PBX1: variants seen among roughly 807,000 people sequenced by gnomAD.
PBX1 encodes PBX homeobox 1, also known as pre-B-cell leukemia transcription factor 1.
In PBX1, 6 loss-of-function variants were observed where a neutral mutation model predicts 53.4. The ratio of observed to expected loss-of-function variants is 0.11; its 90% confidence interval spans 0.06 to 0.22. The LOEUF (loss-of-function observed/expected upper bound fraction) is 0.22. PBX1 is among the 10% of genes least tolerant of loss of function. The pLI is 1.00. For missense variants in PBX1, 251 were observed against 551.4 expected (o/e 0.46, Z 5.46); for synonymous variants, 204 against 212.3 (o/e 0.96, Z 0.34).
chr1:164,875,752 C>T (rs1009637354), intron 2 of PBX1, among the ~76,000 whole-genome samples: 10 of 151,842 alleles, frequency 6.6e-5, no homozygotes, highest in African/African-American at 2.4e-4. Context: ...GGCAACCAGC[C>T]CTTTCTTAAA....
At position 164,638,477 on chromosome 1, in the gene PBX1, G is replaced by A. The variant is rs571719081; in HGVS notation, c.265+75166G>A. On this transcript the variant is annotated intron_variant, in intron 2 of 8. Transcript: ENST00000420696. ...CTTGTAAGCAGGAAGAGGAATCTTT[G>A]AAAAGTGCTAGGCCCCTCTGGGTGC... Among the ~76,000 whole-genome samples, 3 of 152,356 alleles carry A rather than the reference G, an allele frequency of 2.0e-5. No individual in the cohort carries two copies. In the South Asian group the frequency reaches 6.2e-4, roughly 32 times the overall value.
rs545472534 is a variant in PBX1, at chr1:164,700,602, A to G, written c.266-91892A>G. 1.2e-5 allele frequency: 12 copies of G among 984,796 alleles called. No homozygotes were observed. The East Asian group carries it at 1.1e-3, about 93-fold the overall frequency. The allele number at this position is 984,796 out of a possible 1,614,324, so 61.0% of individuals were successfully genotyped here. On this transcript the variant is annotated intron_variant, in intron 2 of 8. Transcript: ENST00000420696. ...AGACAGTGATCATCTTTATTACCTC[A>G]TGGTCTAGTTACAGTGCATGGTACA...
chr1:164,847,193 T>C lies in PBX1; in HGVS notation c.*517T>C. On this transcript the variant is annotated 3_prime_UTR_variant, in exon 9 of 9. Coordinates refer to ENST00000420696, the MANE Select transcript of PBX1 (RefSeq NM_002585.4). ...TACCTCTTAGCAGGAATACTCCACA[T>C]TGCCCTATTCATTCCAGGCCTCCCT... 2 of 1,081,054 alleles carry C rather than the reference T, an allele frequency of 1.9e-6. No individual in the cohort carries two copies. Among genetic ancestry groups the C allele is most frequent in the African/African-American group, 3.2e-5 (2 of 61,810 alleles). 67.0% of individuals were successfully genotyped at this position (1,081,054 alleles called of 1,614,324 possible). A position where few individuals can be genotyped will look rare whatever the true frequency, so the allele number is the denominator to read the frequency against.
At position 164,823,353 on chromosome 1, in the gene PBX1, A is replaced by T. The variant is rs536554270; in HGVS notation, c.1200+1727A>T. The stretch of plus-strand genomic sequence containing the variant: ...TTGGATTTTGTCTGAGTGCAGGTTT[A>T]TACACACATGCATTTATGTATTTCC... On this transcript the variant is annotated intron_variant, in intron 8 of 8. Coordinates refer to ENST00000420696, the MANE Select transcript of PBX1 (RefSeq NM_002585.4). 7.2e-5 allele frequency among the ~76,000 whole-genome samples: 11 copies of T among 152,162 alleles called. No homozygotes were observed. The South Asian group carries it at 2.3e-3, about 32-fold the overall frequency.
chr1:164,849,852 A>G lies in PBX1; in HGVS notation c.*3176A>G, dbSNP rs542206938. On this transcript the variant is annotated 3_prime_UTR_variant, in exon 9 of 9. Transcript: ENST00000420696. ...TTGTTTTTCTGCCCAGAAAAACCTGACTTCGATACCAAAAAAGATGAAACT... is the reference window on the plus strand; with the variant it reads ...TTGTTTTTCTGCCCAGAAAAACCTGGCTTCGATACCAAAAAAGATGAAACT... The G allele has an allele frequency of 1.3e-5, 3 of 231,882 alleles. No individual in the cohort carries two copies. Among genetic ancestry groups the G allele is most frequent in the Non-Finnish European group, 2.6e-5 (3 of 117,302 alleles). The allele number at this position is 231,882 out of a possible 1,614,324, so 14.4% of individuals were successfully genotyped here. A position where few individuals can be genotyped will look rare whatever the true frequency, so the allele number is the denominator to read the frequency against.
intron 2 of PBX1, among the ~76,000 whole-genome samples, chr1:164,660,763 AT>A (rs1209810832): frequency 1.3e-5 from 2 of 152,070 alleles, no homozygotes; most frequent in Non-Finnish European, 2.9e-5. Flanking sequence ...ACATAGGATG[AT>A]TTTTTTTAAA....
At chr1:164,568,355 A>G (rs908523999) in intron 2 of PBX1, among the ~76,000 whole-genome samples, 2 of 152,144 alleles carry the variant, frequency 1.3e-5, no homozygotes, top group African/African-American at 4.8e-5. Context: ...AAGTTTACCA[A>G]AGCACCACAT....
At chr1:164,867,624 G>T (rs959866685) in intron 2 of PBX1, among the ~76,000 whole-genome samples, 1 of 152,150 alleles carries the variant, frequency 6.6e-6, no homozygotes, top group African/African-American at 2.4e-5. Context: ...TAGCTTGGAG[G>T]GTTCACGAAA....
intron 2 of PBX1, chr1:164,700,465 T>C: frequency 1.0e-6 from 1 of 985,390 alleles, no homozygotes; most frequent in Non-Finnish European, 1.2e-6. Flanking sequence ...TCATGTTACT[T>C]GATTCTCTTA....
intron 2 of PBX1, among the ~76,000 whole-genome samples, chr1:164,750,350 A>G (rs1666134377): frequency 6.6e-6 from 1 of 152,182 alleles, no homozygotes; most frequent in African/African-American, 2.4e-5. Context: ...ATCATTTATG[A>G]TTCTGATACG....
At chr1:164,791,204 T>C (rs1668489340) in intron 2 of PBX1, among the ~76,000 whole-genome samples, 1 of 152,092 alleles carries the variant, frequency 6.6e-6, no homozygotes, top group Admixed American at 6.5e-5. Flanking sequence ...AGTGATTTAT[T>C]TTATGGGAGG....
At chr1:164,702,990 T>G (rs565557128) in intron 2 of PBX1, 13 of 150,824 alleles carry the variant, frequency 8.6e-5, no homozygotes, top group African/African-American at 3.2e-4. Context: ...TTTGAAAACC[T>G]GATGTTTGCA....
intron 2 of PBX1, among the ~76,000 whole-genome samples, chr1:164,701,887 T>C (rs1328272080): frequency 1.3e-5 from 2 of 152,234 alleles, no homozygotes; most frequent in African/African-American, 2.4e-5. Flanking sequence ...CTGTGACATA[T>C]GACTGAGACC....
At chr1:164,817,734 T>A (rs1384322548) in intron 6 of PBX1, 8 of 152,264 alleles carry the variant, frequency 5.3e-5, no homozygotes, top group Non-Finnish European at 1.2e-4. Context: ...ACACATTCCA[T>A]GCCTTCATGG....
At chr1:164,738,226 C>A (rs957196145) in intron 2 of PBX1, among the ~76,000 whole-genome samples, 2 of 152,076 alleles carry the variant, frequency 1.3e-5, no homozygotes, top group African/African-American at 4.8e-5. Context: ...GTGTGCAAAT[C>A]TGTGTGTGGC....
intron 2 of PBX1, among the ~76,000 whole-genome samples, chr1:164,710,492 A>G (rs1023190194): frequency 2.0e-5 from 3 of 151,710 alleles, no homozygotes; most frequent in African/African-American, 7.3e-5. Context: ...GCTCACTGCA[A>G]CCTCCACCTC....
At chr1:164,705,198 C>T (rs1409581915) in intron 2 of PBX1, among the ~76,000 whole-genome samples, 3 of 152,162 alleles carry the variant, frequency 2.0e-5, no homozygotes, top group Non-Finnish European at 4.4e-5. Flanking sequence ...CCAAAAATGT[C>T]TCCAGACATT....
intron 2 of PBX1, among the ~76,000 whole-genome samples, chr1:164,677,579 T>A: frequency 6.6e-6 from 1 of 152,238 alleles, no homozygotes; most frequent in African/African-American, 2.4e-5. Flanking sequence ...TTATGTGGCA[T>A]GGGTTAAAAG....
chr1:164,572,009 C>T (rs916751648), intron 2 of PBX1, among the ~76,000 whole-genome samples: 4 of 147,570 alleles, frequency 2.7e-5, no homozygotes, highest in East Asian at 2.0e-4. Flanking sequence ...CAGGTTCAAG[C>T]GATTCTCCTG....
Sources: gnomAD v4.1 joint callset for allele counts (sites outside exome capture counted in the v4.1 genomes callset) on GRCh38, gnomAD v4.1.1 for gene constraint, MANE v1.5 for transcripts, NCBI Gene and HGNC (gene_info 2026-07-23, HGNC 2026-07-21) for gene names.